TYW1: variants seen among roughly 807,000 people sequenced by gnomAD.
TYW1 encodes the protein tRNA-yW synthesizing protein 1 homolog, also known as S-adenosyl-L-methionine-dependent tRNA 4-demethylwyosine synthase TYW1.
In TYW1, 46 loss-of-function variants were observed where a neutral mutation model predicts 96.2. That is an observed-to-expected ratio of 0.48 (90% CI 0.38 to 0.61). The LOEUF is 0.61. Ranked by LOEUF, TYW1 falls within the 20% of genes least tolerant of loss-of-function variation. The pLI, the probability that TYW1 is intolerant of heterozygous loss-of-function variation, is 0.00. For missense variants in TYW1, 684 were observed against 909.6 expected (o/e 0.75, Z 3.19); for synonymous variants, 274 against 323.0 (o/e 0.85, Z 1.63).
intron 14 of TYW1, among the ~76,000 whole-genome samples, chr7:67,188,113 G>A (rs957728460): frequency 3.9e-5 from 6 of 152,210 alleles, no homozygotes; most frequent in Non-Finnish European, 2.9e-5. Context: ...TTGAGGTCAG[G>A]AGTTCGAGAC....
intron 14 of TYW1, among the ~76,000 whole-genome samples, chr7:67,184,717 TG>T (rs1799967063): frequency 6.9e-6 from 1 of 144,738 alleles, no homozygotes; most frequent in African/African-American, 2.6e-5. Context: ...TGTTATGTTA[TG>T]GTTTTTTGAG....
intron 12 of TYW1, among the ~76,000 whole-genome samples, chr7:67,114,842 C>G (rs1797541421): frequency 6.6e-6 from 1 of 152,158 alleles, no homozygotes; most frequent in African/African-American, 2.4e-5. Context: ...TTTTGAGCCC[C>G]TTAGAAATGA....
intron 13 of TYW1, among the ~76,000 whole-genome samples, chr7:67,128,108 G>A (rs1797958277): frequency 6.6e-6 from 1 of 152,116 alleles, no homozygotes; most frequent in African/African-American, 2.4e-5. Flanking sequence ...AATCCTGAGT[G>A]ATTATTCGTT....
At chr7:67,012,460 C>T (rs1677967298) in intron 4 of TYW1, among the ~76,000 whole-genome samples, 1 of 151,994 alleles carries the variant, frequency 6.6e-6, no homozygotes, top group Admixed American at 6.6e-5. Flanking sequence ...TCTTTGTCCC[C>T]CAAGAAAATG....
intron 13 of TYW1, among the ~76,000 whole-genome samples, chr7:67,165,109 G>A (rs1799280307): frequency 6.6e-6 from 1 of 151,696 alleles, no homozygotes; most frequent in Non-Finnish European, 1.5e-5. Flanking sequence ...TAAACTCTAG[G>A]CAGCACTGAA....
intron 13 of TYW1, among the ~76,000 whole-genome samples, chr7:67,160,049 G>A (rs112321522): frequency 9.9e-5 from 15 of 152,210 alleles, no homozygotes; most frequent in African/African-American, 3.1e-4. Context: ...TGATCAGCCC[G>A]CCTCAGCCTC....
At chr7:67,121,236 C>CAT (rs1475863060) in intron 13 of TYW1, among the ~76,000 whole-genome samples, 1 of 152,284 alleles carries the variant, frequency 6.6e-6, no homozygotes, top group East Asian at 1.9e-4. Context: ...TAGGGTCAAA[C>CAT]ATAAAAACTC....
intron 13 of TYW1, among the ~76,000 whole-genome samples, chr7:67,134,945 CAAAAAAAAAAAAAAA>C (rs55746054): frequency 3.0e-5 from 2 of 66,342 alleles, no homozygotes; most frequent in African/African-American, 5.7e-5. Context: ...CTTTCTCTAC[CAAAAAAAAAAAAAAA>C]AAAAAAAAAA....
intron 1 of TYW1, 111 bp downstream of exon 1, chr7:66,997,093 T>C: frequency 1.3e-6 from 2 of 1,570,016 alleles, no homozygotes; most frequent in East Asian, 2.3e-5. Context: ...CGGAGACTGT[T>C]GCACTTGACA....
chr7:67,024,066 T>A (rs1193127743), intron 6 of TYW1, among the ~76,000 whole-genome samples: 1 of 152,076 alleles, frequency 6.6e-6, no homozygotes, highest in African/African-American at 2.4e-5. Flanking sequence ...TGTGTCTCGT[T>A]CCCCTGAGCC....
intron 9 of TYW1, among the ~76,000 whole-genome samples, chr7:67,065,879 C>T (rs1452498567): frequency 1.3e-5 from 2 of 151,836 alleles, no homozygotes; most frequent in African/African-American, 2.4e-5. Context: ...GGCGTGGTGC[C>T]GCATGCCTAT....
chr7:67,101,460 C>T (rs1012920532), intron 12 of TYW1, among the ~76,000 whole-genome samples: 1 of 152,086 alleles, frequency 6.6e-6, no homozygotes, highest in Non-Finnish European at 1.5e-5. Flanking sequence ...ATTAAGATCA[C>T]GGTTATTTCT....
chr7:67,099,645 A>G (rs1158486631), intron 12 of TYW1, among the ~76,000 whole-genome samples: 1 of 152,162 alleles, frequency 6.6e-6, no homozygotes, highest in Non-Finnish European at 1.5e-5. Flanking sequence ...GGAGATTATG[A>G]TGTTTGCTTA....
chr7:67,013,275 A>C (rs137937118), intron 4 of TYW1, among the ~76,000 whole-genome samples: 3,160 of 147,064 alleles, frequency 0.021, 48 homozygotes, highest in Middle Eastern at 0.096. Flanking sequence ...GGCACCCACT[A>C]CCACGCTTGC....
chr7:67,090,423 G>A (rs1485195287), intron 11 of TYW1, among the ~76,000 whole-genome samples: 1 of 152,136 alleles, frequency 6.6e-6, no homozygotes, highest in African/African-American at 2.4e-5. Flanking sequence ...GTGTTATTTG[G>A]TTTATCGCTA....
intron 10 of TYW1, among the ~76,000 whole-genome samples, chr7:67,070,622 T>C (rs145681214): frequency 0.052 from 7,921 of 152,274 alleles, 274 homozygotes; most frequent in Admixed American, 0.072. Context: ...TTCATTGATA[T>C]TCTGGATTTG....
At chr7:67,237,638 A>G (rs1167738283) in intron 15 of TYW1, among the ~76,000 whole-genome samples, 1 of 152,034 alleles carries the variant, frequency 6.6e-6, no homozygotes, top group East Asian at 1.9e-4. Context: ...CAGTTCAATT[A>G]GTATTTCCTT....
chr7:67,148,581 A>G (rs947208580), intron 13 of TYW1, among the ~76,000 whole-genome samples: 29 of 151,820 alleles, frequency 1.9e-4, no homozygotes, highest in South Asian at 2.1e-4. Flanking sequence ...GCCTGCCACC[A>G]CGCCCGGCTA....
intron 13 of TYW1, among the ~76,000 whole-genome samples, chr7:67,129,127 G>A (rs1294527899): frequency 2.0e-5 from 3 of 152,178 alleles, no homozygotes; most frequent in African/African-American, 7.2e-5. Flanking sequence ...ATGGAAGGCC[G>A]GTGCTGGCTG....
Sources: gnomAD v4.1 joint callset for allele counts (sites outside exome capture counted in the v4.1 genomes callset) on GRCh38, gnomAD v4.1.1 for gene constraint, MANE v1.5 for transcripts, NCBI Gene and HGNC (gene_info 2026-07-23, HGNC 2026-07-21) for gene names.